Variants in C16orf87 observed in about 807,000 individuals in gnomAD.
C16orf87 encodes the protein UPF0547 protein C16orf87.
Under a neutral mutation model 21.0 loss-of-function variants are expected in C16orf87, and 13 were observed. The ratio of observed to expected loss-of-function variants is 0.62; its 90% CI spans 0.40 to 0.98. The LOEUF (loss-of-function observed/expected upper bound fraction) is 0.98, where lower values mean the gene tolerates loss of function less well. Ranked by LOEUF, C16orf87 falls within the 50% of genes least tolerant of loss-of-function variation. The pLI, the probability that C16orf87 is intolerant of heterozygous loss-of-function variation, is 0.00. For synonymous variants in C16orf87, 49 were observed against 60.2 expected, an observed-to-expected ratio of 0.81 and a Z score of 0.86; for missense variants, 113 against 180.4, an observed-to-expected ratio of 0.63 and a Z score of 2.14.
At chr16:46,825,934 A>T (rs888695291) in intron 1 of C16orf87, among the ~76,000 whole-genome samples, 1 of 151,070 alleles carries the variant, frequency 6.6e-6, no homozygotes, top group African/African-American at 2.4e-5. Context: ...AAAAAAAAAA[A>T]TTATTATTAA....
At chr16:46,825,984 T>C (rs963682989) in intron 1 of C16orf87, among the ~76,000 whole-genome samples, 1 of 151,938 alleles carries the variant, frequency 6.6e-6, no homozygotes, top group Non-Finnish European at 1.5e-5. Context: ...TTAGGTCTTA[T>C]TCTTTCTAAC....
rs113056950 is a variant in C16orf87 at position 46,802,802 on chromosome 16, C to T, written c.*150G>A. The T allele has an allele frequency of 6.5e-5, 38 of 582,510 alleles. No homozygotes were observed. Among genetic ancestry groups the T allele is most frequent in the African/African-American group, 4.7e-4 (25 of 52,818 alleles). The allele number at this position is 582,510 out of a possible 1,614,324, so 36.1% of individuals were successfully genotyped here. A position where few individuals can be genotyped will look rare whatever the true frequency, so the allele number is the denominator to read the frequency against. On this transcript the variant is annotated 3_prime_UTR_variant, in exon 4 of 4. Coordinates refer to ENST00000285697, the MANE Select transcript of C16orf87 (RefSeq NM_001001436.4). ...GTCCAAGCCTACACAGCTTTGCTCC[C>T]GAAGTGTGGCACAGGCTAAACGACA...
intron 1 of C16orf87, among the ~76,000 whole-genome samples, chr16:46,826,921 AC>A (rs1467801338): frequency 1.1e-4 from 17 of 152,332 alleles, no homozygotes; most frequent in African/African-American, 3.4e-4. Context: ...TCTTCCAGCT[AC>A]TGAAACTCAA....
At chr16:46,806,156 T>C (rs1276830932) in intron 3 of C16orf87, among the ~76,000 whole-genome samples, 2 of 152,194 alleles carry the variant, frequency 1.3e-5, no homozygotes, top group African/African-American at 4.8e-5. Flanking sequence ...TTTAGGTAAC[T>C]GTGTAATAAA....
chr16:46,815,998 C>T (rs981715814), intron 2 of C16orf87, among the ~76,000 whole-genome samples: 1 of 152,158 alleles, frequency 6.6e-6, no homozygotes, highest in Non-Finnish European at 1.5e-5. Context: ...CAAGTGTCCA[C>T]TGATGAATAC....
intron 3 of C16orf87, chr16:46,807,953 ATCT>A (rs1382925553): frequency 2.2e-6 from 1 of 447,240 alleles, no homozygotes; most frequent in African/African-American, 2.0e-5. Context: ...CTGCTTTCTC[ATCT>A]TCTCTCACCC....
At chr16:46,811,459 C>T (rs1414943274) in intron 2 of C16orf87, among the ~76,000 whole-genome samples, 1 of 148,240 alleles carries the variant, frequency 6.7e-6, no homozygotes, top group East Asian at 2.0e-4. Flanking sequence ...GCTGAGATAG[C>T]ACCATTGTAT....
intron 1 of C16orf87, among the ~76,000 whole-genome samples, chr16:46,830,307 A>AGAGAGAGGGT (rs758468161): frequency 9.2e-6 from 1 of 109,142 alleles, no homozygotes; most frequent in Admixed American, 1.0e-4. Context: ...AGAGAGAGAG[A>AGAGAGAGGGT]GACACACAGA....
rs1287766823 is a variant in C16orf87 at position 46,796,682 on chromosome 16, T to C, written c.*6270A>G. 6.6e-6 allele frequency: 1 copy of C among 152,204 alleles called. No homozygotes were observed. Among genetic ancestry groups the C allele is most frequent in the Non-Finnish European group, 1.5e-5 (1 of 68,038 alleles). 9.4% of individuals were successfully genotyped at this position (152,204 alleles called of 1,614,324 possible). On this transcript the variant is annotated 3_prime_UTR_variant, in exon 4 of 4. Transcript: ENST00000285697. ...GAAACATCATGCTGCATACAATATATGATTTTGTTAACTGAAATGATTTAT... is the reference window on the plus strand; with the variant it reads ...GAAACATCATGCTGCATACAATATACGATTTTGTTAACTGAAATGATTTAT...
At chr16:46,808,051 C>T (rs1309385061) in intron 3 of C16orf87, 5 of 456,046 alleles carry the variant, frequency 1.1e-5, no homozygotes, top group Admixed American at 9.4e-5. Context: ...GGCAGTATTT[C>T]TCTCTTTTCC....
At chr16:46,809,574 G>A (rs777499797) in intron 3 of C16orf87, 29 bp downstream of exon 3, 4 of 1,496,674 alleles carry the variant, frequency 2.7e-6, no homozygotes, top group East Asian at 2.3e-5. Flanking sequence ...TTTAATACTT[G>A]AAAAAAAAAC....
rs772368277 is a variant in C16orf87, at chr16:46,824,457, G to A, written c.92C>T (p.Pro31Leu). The A allele has an allele frequency of 1.9e-6, 3 of 1,563,966 alleles. No individual in the cohort carries two copies. The highest frequency in any genetic ancestry group is 1.8e-5 in the Admixed American group (1 of 56,428). The stretch of plus-strand genomic sequence containing the variant: ...TCTGCTAATAAATATGTAACCACAA[G>A]GACATGATTTACATGCAACAGGAAC... ...QQVPVACKSC[P>L]CGYIFISRKL... The change falls in exon 2 of 4, where the codon CCT becomes CTT. Residue 31 changes from proline to leucine, a missense_variant. Transcript: ENST00000285697.
At chr16:46,822,623 C>G (rs977217683) in intron 2 of C16orf87, among the ~76,000 whole-genome samples, 1 of 152,116 alleles carries the variant, frequency 6.6e-6, no homozygotes, top group Non-Finnish European at 1.5e-5. Context: ...CTATATAGAC[C>G]TAAGATAAAT....
chr16:46,815,629 A>G (rs915641384), intron 2 of C16orf87, among the ~76,000 whole-genome samples: 6 of 152,168 alleles, frequency 3.9e-5, no homozygotes. Context: ...ATGGCCACTA[A>G]GCACATGCAA....
chr16:46,829,800 G>A (rs994500182), intron 1 of C16orf87, among the ~76,000 whole-genome samples: 2 of 151,924 alleles, frequency 1.3e-5, no homozygotes, highest in Admixed American at 6.6e-5. Flanking sequence ...GCCCATAAAG[G>A]ATACTTAATA....
intron 3 of C16orf87, among the ~76,000 whole-genome samples, chr16:46,808,917 A>T (rs751296772): frequency 7.0e-4 from 107 of 152,054 alleles, no homozygotes; most frequent in Non-Finnish European, 1.3e-3. Flanking sequence ...CCAATGAGCA[A>T]TTAAAAACTC....
At chr16:46,809,072 C>T (rs994773280) in intron 3 of C16orf87, among the ~76,000 whole-genome samples, 2 of 147,478 alleles carry the variant, frequency 1.4e-5, no homozygotes, top group Non-Finnish European at 3.0e-5. Flanking sequence ...CCAAGGAGGG[C>T]AGATTGCTTG....
chr16:46,797,039 G>A lies in C16orf87; in HGVS notation c.*5913C>T, dbSNP rs1375212059. ...TGCACATTTCTCATCAGAAACCATG[G>A]AGGCTGAAAGAACTGTCAACACAGT... On this transcript the variant is annotated 3_prime_UTR_variant, in exon 4 of 4. Coordinates refer to ENST00000285697, the MANE Select transcript of C16orf87 (RefSeq NM_001001436.4). 1 of 152,180 alleles carries A rather than the reference G, an allele frequency of 6.6e-6. No homozygotes were observed. Among genetic ancestry groups the A allele is most frequent in the Non-Finnish European group, 1.5e-5 (1 of 68,036 alleles). 9.4% of individuals were successfully genotyped at this position (152,180 alleles called of 1,614,324 possible).
At chr16:46,818,048 G>C (rs567438376) in intron 2 of C16orf87, among the ~76,000 whole-genome samples, 22 of 148,272 alleles carry the variant, frequency 1.5e-4, no homozygotes, top group African/African-American at 5.2e-4. Flanking sequence ...TCTAATTTTT[G>C]TATTTTTAGT....
Sources: allele counts gnomAD v4.1 joint callset (sites outside exome capture counted in the v4.1 genomes callset), GRCh38; gene constraint gnomAD v4.1.1; transcripts MANE v1.5; gene names NCBI Gene and HGNC (gene_info 2026-07-23, HGNC 2026-07-21).